MTHFD2L: variants seen among roughly 807,000 people sequenced by gnomAD.
The protein encoded by MTHFD2L is bifunctional methylenetetrahydrofolate dehydrogenase/cyclohydrolase 2, mitochondrial.
Under a neutral mutation model 34.9 loss-of-function variants are expected in MTHFD2L, and 29 were observed. The observed-to-expected ratio is 0.83, with a 90% confidence interval of 0.62 to 1.13. The LOEUF is 1.13. Ranked by LOEUF, MTHFD2L falls within the 50% of genes most tolerant of loss-of-function variation. MTHFD2L has a pLI of 0.00. For missense variants in MTHFD2L, 481 were observed against 446.5 expected, an observed-to-expected ratio of 1.08 and a Z score of -0.70; for synonymous variants, 167 against 155.7, an observed-to-expected ratio of 1.07 and a Z score of -0.54.
chr4:74,249,810 C>T (rs1458075732), intron 6 of MTHFD2L, among the ~76,000 whole-genome samples: 3 of 152,128 alleles, frequency 2.0e-5, no homozygotes, highest in African/African-American at 7.2e-5. Flanking sequence ...ATATTGGCCC[C>T]CACTCTCTTC....
At position 74,261,979 on chromosome 4, in the gene MTHFD2L, A is replaced by G. The variant is rs575242946; in HGVS notation, c.806-19446A>G. 4.6e-4 allele frequency among the ~76,000 whole-genome samples: 70 copies of G among 152,206 alleles called. 1 individual carries two copies. Among genetic ancestry groups the G allele is most frequent in the Non-Finnish European group, 8.2e-4 (56 of 67,920 alleles). ...AAATGTTAATTATTATGAACAGAGT[A>G]GTATTTTATTCTGTCTCAAATCATA... is the stretch of plus-strand genomic sequence containing the variant. On this transcript the variant is annotated intron_variant, in intron 6 of 7. Transcript: ENST00000325278.
intron 3 of MTHFD2L, among the ~76,000 whole-genome samples, chr4:74,186,753 TTCCTCCAA>T (rs1731358898): frequency 2.6e-5 from 4 of 152,212 alleles, no homozygotes; most frequent in African/African-American, 9.6e-5. Flanking sequence ...AATACCAATT[TTCCTCCAA>T]CTGATTTGTA....
chr4:74,187,629 T>C (rs1731546173), intron 3 of MTHFD2L, among the ~76,000 whole-genome samples: 1 of 152,132 alleles, frequency 6.6e-6, no homozygotes, highest in African/African-American at 2.4e-5. Context: ...GTGTTGGTGA[T>C]GATGTGGAGG....
chr4:74,301,909 G>A lies in MTHFD2L; in HGVS notation c.*100G>A. On this transcript the variant is annotated 3_prime_UTR_variant, in exon 8 of 8. Coordinates refer to ENST00000325278, the MANE Select transcript of MTHFD2L (RefSeq NM_001144978.3). ...ACTACAAAGCTATTTATTTCTACAT[G>A]GTATTTATTTTTTCATGGGTGAAAT... 1.8e-6 allele frequency: 1 copy of A among 554,736 alleles called. No individual in the cohort carries two copies. Among genetic ancestry groups the A allele is most frequent in the East Asian group, 3.4e-5 (1 of 29,760 alleles). 34.4% of individuals were successfully genotyped at this position (554,736 alleles called of 1,614,324 possible).
In MTHFD2L at chr4:74,162,868, C is replaced by T. The variant is rs186677949; in HGVS notation, c.143+4587C>T. 5.3e-5 allele frequency among the ~76,000 whole-genome samples: 8 copies of T among 152,270 alleles called. No homozygotes were observed. In the East Asian group the frequency reaches 9.6e-4, roughly 18 times the overall value. ...AAGCAGTTTATAATTATTGACTTAT[C>T]TTACTTTTTCTTCTTTTTGAAACAT... On this transcript the variant is annotated intron_variant, in intron 1 of 7. Transcript: ENST00000325278.
rs188944265 is a variant in MTHFD2L, at chr4:74,301,928, G to T, written c.*119G>T. 62 of 491,328 alleles carry T rather than the reference G, an allele frequency of 1.3e-4. 1 individual carries two copies. The East Asian group carries it at 2.1e-3, about 16-fold the overall frequency. The allele number at this position is 491,328 out of a possible 1,614,324, so 30.4% of individuals were successfully genotyped here. A position where few individuals can be genotyped will look rare whatever the true frequency, so the allele number is the denominator to read the frequency against. ...CTACATGGTATTTATTTTTTCATGGGTGAAATCATTGTGAATCAATTGATT... is the reference window on the plus strand; with the variant it reads ...CTACATGGTATTTATTTTTTCATGGTTGAAATCATTGTGAATCAATTGATT... On this transcript the variant is annotated 3_prime_UTR_variant, in exon 8 of 8. Coordinates refer to ENST00000325278, the MANE Select transcript of MTHFD2L (RefSeq NM_001144978.3).
At chr4:74,219,351 T>G (rs938866001) in intron 5 of MTHFD2L, among the ~76,000 whole-genome samples, 7 of 152,080 alleles carry the variant, frequency 4.6e-5, no homozygotes, top group Non-Finnish European at 1.0e-4. Context: ...TAGCCCACAG[T>G]GTTCTCATAT....
At chr4:74,166,996 G>T (rs980526076) in intron 1 of MTHFD2L, among the ~76,000 whole-genome samples, 4 of 151,760 alleles carry the variant, frequency 2.6e-5, no homozygotes, top group Non-Finnish European at 5.9e-5. Flanking sequence ...ATGCCAGGCT[G>T]GTCCCCATGG....
chr4:74,233,536 G>A (rs1480746145), intron 6 of MTHFD2L, among the ~76,000 whole-genome samples: 2 of 151,876 alleles, frequency 1.3e-5, no homozygotes, highest in Non-Finnish European at 2.9e-5. Flanking sequence ...ATTGTGTGGT[G>A]AGCTCCTATT....
chr4:74,293,674 T>G (rs781487786), intron 7 of MTHFD2L: 2 of 182,904 alleles, frequency 1.1e-5, no homozygotes, highest in Non-Finnish European at 2.1e-5. Flanking sequence ...TGGTTCACCA[T>G]GCTCTTAAGT....
chr4:74,121,011 G>A (rs1041454162), upstream of MTHFD2L, among the ~76,000 whole-genome samples: 16 of 152,182 alleles, frequency 1.1e-4, no homozygotes, highest in South Asian at 4.1e-4. Context: ...AGCCAAAGTG[G>A]AATTATGGGG....
chr4:74,300,285 CCTTT>C (rs1750136275), intron 7 of MTHFD2L, among the ~76,000 whole-genome samples: 1 of 151,918 alleles, frequency 6.6e-6, no homozygotes, highest in Non-Finnish European at 1.5e-5. Context: ...GCTTACTGGA[CCTTT>C]CTTCAAGTAA....
intron 7 of MTHFD2L, among the ~76,000 whole-genome samples, chr4:74,299,068 T>C (rs958782706): frequency 6.6e-6 from 1 of 151,846 alleles, no homozygotes; most frequent in Non-Finnish European, 1.5e-5. Context: ...TTTTTACTAT[T>C]TTTTTCATAG....
At chr4:74,161,922 A>G (rs1725546822) in intron 1 of MTHFD2L, 1 of 152,188 alleles carries the variant, frequency 6.6e-6, no homozygotes, top group African/African-American at 2.4e-5. Context: ...AAGGAGGTTT[A>G]AGAGAGGAGC....
intron 3 of MTHFD2L, among the ~76,000 whole-genome samples, chr4:74,197,885 A>G (rs1733758356): frequency 6.6e-6 from 1 of 151,994 alleles, no homozygotes. Context: ...TCTCTCCTGG[A>G]AAAAGATATA....
At chr4:74,247,913 T>A (rs1285210213) in intron 6 of MTHFD2L, among the ~76,000 whole-genome samples, 1 of 152,196 alleles carries the variant, frequency 6.6e-6, no homozygotes, top group African/African-American at 2.4e-5. Context: ...TGCATCAATG[T>A]TCATCAAGGA....
At chr4:74,177,016 A>C (rs1253534763) in intron 3 of MTHFD2L, among the ~76,000 whole-genome samples, 1 of 151,952 alleles carries the variant, frequency 6.6e-6, no homozygotes, top group Non-Finnish European at 1.5e-5. Flanking sequence ...CTTTTCCTCC[A>C]ATATAGCTGC....
At chr4:74,236,934 G>A (rs1740927649) in intron 6 of MTHFD2L, among the ~76,000 whole-genome samples, 3 of 151,654 alleles carry the variant, frequency 2.0e-5, no homozygotes, top group Admixed American at 2.0e-4. Context: ...TACTTTTATG[G>A]GATTATATGA....
intron 6 of MTHFD2L, among the ~76,000 whole-genome samples, chr4:74,251,492 A>C (rs1448839020): frequency 6.6e-6 from 1 of 152,164 alleles, no homozygotes; most frequent in Non-Finnish European, 1.5e-5. Flanking sequence ...TAGCTTCCTA[A>C]ATCTTTCCAA....
Sources: allele counts gnomAD v4.1 joint callset (sites outside exome capture counted in the v4.1 genomes callset), GRCh38; gene constraint gnomAD v4.1.1; transcripts MANE v1.5; gene names NCBI Gene and HGNC (gene_info 2026-07-23, HGNC 2026-07-21).